Variants in ST8SIA4 observed in about 807,000 individuals in gnomAD.
ST8SIA4 encodes the protein CMP-N-acetylneuraminate-poly-alpha-2,8-sialyltransferase.
In ST8SIA4, 15 loss-of-function variants were observed where a neutral mutation model predicts 33.9. That is an observed-to-expected ratio of 0.44 (90% confidence interval 0.30 to 0.68). The LOEUF (loss-of-function observed/expected upper bound fraction) is 0.68, where lower values mean the gene tolerates loss of function less well. Ranked by LOEUF, ST8SIA4 falls within the 30% of genes least tolerant of loss-of-function variation. The pLI is 0.10. For missense variants in ST8SIA4, 321 were observed against 428.0 expected, an observed-to-expected ratio of 0.75 and a Z score of 2.21; for synonymous variants, 171 against 151.2, an observed-to-expected ratio of 1.13 and a Z score of -0.96.
rs73777442 is a variant in ST8SIA4, at chr5:100,898,925, A to T, written c.114-3140T>A. 6.1e-3 allele frequency among the ~76,000 whole-genome samples: 922 copies of T among 152,324 alleles called. 14 individuals carry two copies. Among genetic ancestry groups the T allele is most frequent in the African/African-American group, 0.021 (866 of 41,574 alleles). On this transcript the variant is annotated intron_variant, in intron 1 of 4. Transcript: ENST00000231461. ...CACATAAATCAATATAATACAAAGG[A>T]TCCCTGCTTATTTGGATCAAAGAAA... is the stretch of plus-strand genomic sequence containing the variant.
intron 4 of ST8SIA4, among the ~76,000 whole-genome samples, chr5:100,823,703 T>G (rs191311753): frequency 6.6e-6 from 1 of 152,364 alleles, no homozygotes; most frequent in Admixed American, 6.5e-5. Flanking sequence ...TTTTTGGACT[T>G]GATACATTTT....
chr5:100,885,738 A>G, intron 3 of ST8SIA4: 1 of 941,802 alleles, frequency 1.1e-6, no homozygotes, highest in Non-Finnish European at 1.3e-6. Context: ...TCAAACACAC[A>G]ATTCATCAAA....
intron 3 of ST8SIA4, 27 bp downstream of exon 3, chr5:100,886,316 A>G (rs1216036232): frequency 6.3e-7 from 1 of 1,593,096 alleles, no homozygotes; most frequent in Non-Finnish European, 8.6e-7. Context: ...AAAAACTTAC[A>G]ATCTCAAAAA....
At chr5:100,835,091 T>G (rs928248968) in intron 4 of ST8SIA4, among the ~76,000 whole-genome samples, 1 of 152,178 alleles carries the variant, frequency 6.6e-6, no homozygotes, top group African/African-American at 2.4e-5. Context: ...TGTAGCATTT[T>G]TATATTCCAG....
In ST8SIA4 at chr5:100,812,039, G is replaced by C; in HGVS notation, c.888C>G (p.His296Gln). ...TLATRFCDEI[H>Q]LYGFWPFPKD... is the part of the protein sequence containing the mutation. Reference sequence around the variant, plus strand: ...TAGGGAAGGGCCAGAATCCATACAGGTGAATTTCATCACAGAATCTTGTGG... The same window carrying C: ...TAGGGAAGGGCCAGAATCCATACAGCTGAATTTCATCACAGAATCTTGTGG... Residue 296 changes from histidine (H) to glutamine (Q), a missense_variant, in exon 5 of 5, where the codon CAC (histidine) becomes CAG (glutamine). Transcript: ENST00000231461. 1 of 1,614,090 alleles carries C rather than the reference G, an allele frequency of 6.2e-7. No homozygotes were observed. Among genetic ancestry groups the C allele is most frequent in the Non-Finnish European group, 8.5e-7 (1 of 1,179,980 alleles).
At chr5:100,837,759 G>A (rs1751392641) in intron 4 of ST8SIA4, among the ~76,000 whole-genome samples, 1 of 151,884 alleles carries the variant, frequency 6.6e-6, no homozygotes, top group Admixed American at 6.6e-5. Flanking sequence ...CACACTGCCT[G>A]AAAGGAATCT....
intron 4 of ST8SIA4, among the ~76,000 whole-genome samples, chr5:100,845,981 C>G (rs1277397056): frequency 6.6e-6 from 1 of 152,064 alleles, no homozygotes; most frequent in East Asian, 1.9e-4. Flanking sequence ...CTTATCAGAA[C>G]TTGCTCTTTT....
chr5:100,863,573 G>T (rs1751994376), intron 3 of ST8SIA4, among the ~76,000 whole-genome samples: 1 of 151,962 alleles, frequency 6.6e-6, no homozygotes, highest in African/African-American at 2.4e-5. Context: ...CTCTTCAAAA[G>T]ATTTATATCA....
chr5:100,867,036 G>A (rs1752081570), intron 3 of ST8SIA4, among the ~76,000 whole-genome samples: 1 of 151,970 alleles, frequency 6.6e-6, no homozygotes, highest in Admixed American at 6.6e-5. Context: ...AAGTGAATGT[G>A]GATATATTTA....
At chr5:100,878,316 T>G (rs1752347647) in intron 3 of ST8SIA4, among the ~76,000 whole-genome samples, 1 of 152,084 alleles carries the variant, frequency 6.6e-6, no homozygotes, top group East Asian at 1.9e-4. Context: ...TAGCTAGGAT[T>G]ACAGGCATGC....
At chr5:100,865,754 G>A (rs1004441763) in intron 3 of ST8SIA4, among the ~76,000 whole-genome samples, 3 of 151,832 alleles carry the variant, frequency 2.0e-5, no homozygotes, top group Admixed American at 6.6e-5. Context: ...TATCTTCTTG[G>A]TCATCAAATT....
Position 100,866,611 on chromosome 5 carries a change from CAA to C in ST8SIA4, c.504-10217_504-10216del, listed in dbSNP as rs71620625. 6.9e-3 allele frequency among the ~76,000 whole-genome samples: 992 copies of C among 144,682 alleles called. 12 individuals carry two copies. Among genetic ancestry groups the C allele is most frequent in the African/African-American group, 0.024 (948 of 39,804 alleles). 94.9% of individuals were successfully genotyped at this position (144,682 alleles called of 152,430 possible). On this transcript the variant is annotated intron_variant, in intron 3 of 4. Transcript: ENST00000231461. ...ACACACACACACACACACACACACACAAATACATATTATATATATGTTTACAC... is the reference window on the plus strand; with the variant it reads ...ACACACACACACACACACACACACACATACATATTATATATATGTTTACAC...
At chr5:100,822,080 A>C (rs2112404751) in intron 4 of ST8SIA4, among the ~76,000 whole-genome samples, 1 of 152,344 alleles carries the variant, frequency 6.6e-6, no homozygotes, top group South Asian at 2.1e-4. Flanking sequence ...ATTAGAGAAA[A>C]ACTTTCAACT....
At chr5:100,820,530 A>G (rs550549191) in intron 4 of ST8SIA4, among the ~76,000 whole-genome samples, 22 of 152,232 alleles carry the variant, frequency 1.4e-4, no homozygotes, top group African/African-American at 4.3e-4. Flanking sequence ...ATGTTTTGAT[A>G]ATGCTTGATA....
chr5:100,844,775 C>T (rs1421560146), intron 4 of ST8SIA4, among the ~76,000 whole-genome samples: 1 of 151,914 alleles, frequency 6.6e-6, no homozygotes, highest in Non-Finnish European at 1.5e-5. Context: ...GTTAAAGCCA[C>T]TTTAAAAATA....
intron 3 of ST8SIA4, among the ~76,000 whole-genome samples, chr5:100,881,603 T>C (rs566104826): frequency 1.3e-5 from 2 of 152,134 alleles, no homozygotes; most frequent in Non-Finnish European, 2.9e-5. Flanking sequence ...ACAGAAAAAG[T>C]ATAAGGTCAA....
intron 1 of ST8SIA4, among the ~76,000 whole-genome samples, chr5:100,902,289 GA>G (rs1485177510): frequency 4.0e-5 from 6 of 151,360 alleles, no homozygotes; most frequent in African/African-American, 1.5e-4. Flanking sequence ...AGCCGTAGAA[GA>G]ACAAATAAGG....
intron 4 of ST8SIA4, among the ~76,000 whole-genome samples, chr5:100,836,995 A>AACACACAC (rs143119843): frequency 0.01 from 1,531 of 146,374 alleles, 30 homozygotes; most frequent in African/African-American, 0.035. Flanking sequence ...TTAGTGCTAA[A>AACACACAC]ACACACACAC....
At chr5:100,823,782 G>GCAAT (rs1751081956) in intron 4 of ST8SIA4, among the ~76,000 whole-genome samples, 1 of 152,140 alleles carries the variant, frequency 6.6e-6, no homozygotes. Context: ...ACTCAATATA[G>GCAAT]CAATCATGAA....
Sources: gnomAD v4.1 joint callset for allele counts (sites outside exome capture counted in the v4.1 genomes callset) on GRCh38, gnomAD v4.1.1 for gene constraint, MANE v1.5 for transcripts, NCBI Gene and HGNC (gene_info 2026-07-23, HGNC 2026-07-21) for gene names.